GARNL3: variants seen among roughly 807,000 people sequenced by gnomAD.
GARNL3 encodes GTPase activating Rap/RanGAP domain like 3, also known as GTPase-activating Rap/Ran-GAP domain-like protein 3.
GARNL3 carries 63 observed loss-of-function variants against 125.0 expected under a neutral mutation model. The observed-to-expected ratio is 0.50, with a 90% CI of 0.41 to 0.62. The LOEUF is 0.62. GARNL3 is among the 20% of genes least tolerant of loss of function. GARNL3 has a pLI of 0.00. For missense variants in GARNL3, 994 were observed against 1,244.0 expected, an observed-to-expected ratio of 0.80 and a Z score of 3.02; for synonymous variants, 439 against 457.5, an observed-to-expected ratio of 0.96 and a Z score of 0.52.
Position 127,311,876 on chromosome 9 carries a change from A to G in GARNL3, c.319+141A>G, listed in dbSNP as rs150439873. The G allele has an allele frequency of 0.018, 10,850 of 596,240 alleles. 116 individuals are homozygous for G. The highest frequency in any genetic ancestry group is 0.031 in the Middle Eastern group (87 of 2,768). The allele number at this position is 596,240 out of a possible 1,614,324, so 36.9% of individuals were successfully genotyped here. A position where few individuals can be genotyped will look rare whatever the true frequency, so the allele number is the denominator to read the frequency against. ...CAGGGCATTTCACTTCAAGGTCAGT[A>G]GTAAGCTTTGTAGGCTAAAAGATTC... On this transcript the variant is annotated intron_variant, in intron 3 of 27. Coordinates refer to ENST00000373387, the MANE Select transcript of GARNL3 (RefSeq NM_032293.5).
intron 17 of GARNL3, among the ~76,000 whole-genome samples, chr9:127,352,957 C>T (rs1044727922): frequency 2.0e-5 from 3 of 152,212 alleles, no homozygotes; most frequent in Non-Finnish European, 4.4e-5. Flanking sequence ...TCCCGGACAC[C>T]TCTGCCTTGC....
At chr9:127,370,384 C>T (rs150769071) in intron 22 of GARNL3, among the ~76,000 whole-genome samples, 2 of 152,258 alleles carry the variant, frequency 1.3e-5, no homozygotes, top group Admixed American at 6.5e-5. Flanking sequence ...GACAGGATGC[C>T]GTTGAAAGTG....
intron 22 of GARNL3, among the ~76,000 whole-genome samples, chr9:127,371,236 G>C (rs1054061903): frequency 2.6e-5 from 4 of 152,214 alleles, no homozygotes; most frequent in African/African-American, 9.6e-5. Flanking sequence ...TTGGACTTTG[G>C]CTCCGTCTTA....
rs117648739 is a variant in GARNL3 at position 127,343,296 on chromosome 9, G to A, written c.1252-939G>A. Among the ~76,000 whole-genome samples the A allele has an allele frequency of 8.0e-3, 1,216 of 152,222 alleles. 6 individuals are homozygous for A. The highest frequency in any genetic ancestry group is 0.012 in the Non-Finnish European group (817 of 67,996). On this transcript the variant is annotated intron_variant, in intron 14 of 27. Coordinates refer to ENST00000373387, the MANE Select transcript of GARNL3 (RefSeq NM_032293.5). The stretch of plus-strand genomic sequence containing the variant: ...GCCAGGCTAACCCCAGGACCCTAAA[G>A]AGCAAACCTCAATTGGTAATCTCTC...
At chr9:127,355,269 G>GT in intron 19 of GARNL3, 28 bp from the exon 20 acceptor site, 1 of 1,607,530 alleles carries the variant, frequency 6.2e-7, no homozygotes, top group Non-Finnish European at 8.5e-7. Flanking sequence ...CATGTCATGT[G>GT]TAAGGCATCA....
chr9:127,332,413 A>G, intron 8 of GARNL3, 64 bp downstream of exon 8: 3 of 1,285,204 alleles, frequency 2.3e-6, no homozygotes, highest in Non-Finnish European at 3.4e-6. Context: ...CATTCTTGCC[A>G]GTTGGAGCTT....
chr9:127,287,411 A>C (rs937028228), intron 1 of GARNL3, among the ~76,000 whole-genome samples: 1 of 152,240 alleles, frequency 6.6e-6, no homozygotes, highest in African/African-American at 2.4e-5. Flanking sequence ...GACAATAGAA[A>C]GAAAATGGAC....
intron 13 of GARNL3, among the ~76,000 whole-genome samples, chr9:127,341,937 G>A (rs1481309516): frequency 3.3e-5 from 5 of 152,122 alleles, no homozygotes; most frequent in African/African-American, 9.7e-5. Context: ...AGCAGCCGGC[G>A]GATCATAGAG....
intron 16 of GARNL3, among the ~76,000 whole-genome samples, chr9:127,347,001 G>A (rs1830173474): frequency 6.6e-6 from 1 of 152,218 alleles, no homozygotes; most frequent in South Asian, 2.1e-4. Context: ...CGTCAGACCA[G>A]AGCAACTGTG....
chr9:127,292,501 T>A (rs2064452808), intron 2 of GARNL3, among the ~76,000 whole-genome samples: 1 of 152,234 alleles, frequency 6.6e-6, no homozygotes, highest in Non-Finnish European at 1.5e-5. Flanking sequence ...ATGCCGAGTT[T>A]CTACTTTGAG....
At chr9:127,258,696 T>C (rs1042335368), upstream of GARNL3, among the ~76,000 whole-genome samples, 1 of 152,188 alleles carries the variant, frequency 6.6e-6, no homozygotes, top group Non-Finnish European at 1.5e-5. Context: ...TGTGGCACTT[T>C]ACTTATCTTC....
intron 15 of GARNL3, 140 bp from the exon 16 acceptor site, chr9:127,345,263 G>C: frequency 2.0e-6 from 1 of 498,174 alleles, no homozygotes; most frequent in Non-Finnish European, 3.5e-6. Context: ...TTCAATTCTT[G>C]ATTAACAAGT....
rs1299030996 is a variant in GARNL3, at chr9:127,355,418, C to T, written c.1881C>T (p.Thr627=). 14 of 1,614,258 alleles carry T rather than the reference C, an allele frequency of 8.7e-6. No individual in the cohort carries two copies. The East Asian group carries it at 3.1e-4, about 36-fold the overall frequency. The change falls in exon 20 of 28, where the codon ACC becomes ACT. Residue 627 remains threonine, a synonymous_variant. Coordinates refer to ENST00000373387, the MANE Select transcript of GARNL3 (RefSeq NM_032293.5). ...ACAAGCCAAGCGGGGTCACCAGCAC[C>T]TCATTGTTATCTCCCCTGTCTGAGT... is the stretch of plus-strand genomic sequence containing the variant. The part of the protein sequence containing the change: ...KHNKPSGVTS[T]SLLSPLSESP...
At chr9:127,313,609 A>T (rs1351764348) in intron 4 of GARNL3, 50 bp downstream of exon 4, 1 of 1,173,944 alleles carries the variant, frequency 8.5e-7, no homozygotes, top group Non-Finnish European at 1.3e-6. Context: ...CAGTTTCAGG[A>T]GATAACCCCT....
chr9:127,231,609 A>G (rs968952285), intron 1 of GARNL3, among the ~76,000 whole-genome samples: 3 of 152,182 alleles, frequency 2.0e-5, no homozygotes, highest in African/African-American at 4.8e-5. Flanking sequence ...CTTTGAATGG[A>G]ACTTTAGACA....
At chr9:127,312,571 G>A (rs575882167) in intron 3 of GARNL3, among the ~76,000 whole-genome samples, 2 of 152,266 alleles carry the variant, frequency 1.3e-5, no homozygotes, top group East Asian at 3.9e-4. Flanking sequence ...TTTGGAGAAT[G>A]GAAGAATAAT....
At chr9:127,251,770 C>T (rs1588688946) in intron 2 of GARNL3, among the ~76,000 whole-genome samples, 1 of 152,202 alleles carries the variant, frequency 6.6e-6, no homozygotes, top group African/African-American at 2.4e-5. Flanking sequence ...AGATACACCA[C>T]TTTGGCAAAA....
At chr9:127,288,849 T>A (rs1227370367) in intron 1 of GARNL3, among the ~76,000 whole-genome samples, 1 of 152,226 alleles carries the variant, frequency 6.6e-6, no homozygotes, top group Non-Finnish European at 1.5e-5. Context: ...GACTCCTAGA[T>A]GAGACTAGTT....
At chr9:127,379,918 A>T (rs142780773) in intron 22 of GARNL3, among the ~76,000 whole-genome samples, 4 of 152,166 alleles carry the variant, frequency 2.6e-5, no homozygotes, top group Non-Finnish European at 5.9e-5. Context: ...GGTGGCTCAC[A>T]CTTGTAATCC....
Sources: gnomAD v4.1 joint callset for allele counts (sites outside exome capture counted in the v4.1 genomes callset) on GRCh38, gnomAD v4.1.1 for gene constraint, MANE v1.5 for transcripts, NCBI Gene and HGNC (gene_info 2026-07-23, HGNC 2026-07-21) for gene names.